SMYD3: variants seen among roughly 807,000 people sequenced by gnomAD.
SMYD3 encodes the protein SET and MYND domain containing 3.
A neutral mutation model predicts 57.7 loss-of-function variants in SMYD3; 36 were observed. That is an observed-to-expected ratio of 0.62 (90% CI 0.48 to 0.82). The LOEUF (loss-of-function observed/expected upper bound fraction) is 0.82, where lower values mean the gene tolerates loss of function less well. Among genes scored for constraint, SMYD3 ranks in the 40% least tolerant of loss-of-function variants. The probability of loss-of-function intolerance (pLI) is 0.00; values close to 1 mark genes in which losing one functional copy is unlikely to be tolerated. For synonymous variants in SMYD3, 211 were observed against 195.0 expected, an observed-to-expected ratio of 1.08 and a Z score of -0.68; for missense variants, 515 against 538.8, an observed-to-expected ratio of 0.96 and a Z score of 0.44.
Position 246,101,071 on chromosome 1 carries a change from G to GT in SMYD3, c.532-171135dup, listed in dbSNP as rs754724096. ...TAATATGTATTTTTAGGGGTTTTTT[G>GT]TTTTTTTTTTTTTTTTTTTTTTTTT... On this transcript the variant is annotated intron_variant, in intron 5 of 11. Coordinates refer to ENST00000490107, the MANE Select transcript of SMYD3 (RefSeq NM_001167740.2). Among the ~76,000 whole-genome samples the GT allele has an allele frequency of 6.5e-3, 354 of 54,098 alleles. 18 individuals carry two copies. Among genetic ancestry groups the GT allele is most frequent in the East Asian group, 0.048 (90 of 1,858 alleles). 35.5% of individuals were successfully genotyped at this position (54,098 alleles called of 152,430 possible).
intron 10 of SMYD3, among the ~76,000 whole-genome samples, chr1:245,791,952 T>TTTTGTG (rs145276611): frequency 1.4e-5 from 2 of 146,138 alleles, no homozygotes; most frequent in Admixed American, 6.8e-5. Context: ...AATTTTAAAC[T>TTTTGTG]TGTGTGTGTG....
At chr1:246,224,413 T>C (rs1384736825) in intron 5 of SMYD3, among the ~76,000 whole-genome samples, 2 of 151,208 alleles carry the variant, frequency 1.3e-5, no homozygotes, top group Non-Finnish European at 2.9e-5. Context: ...GTGGCTGAGG[T>C]GTGGTCAAGG....
intron 10 of SMYD3, among the ~76,000 whole-genome samples, chr1:245,812,701 CAAAAA>C (rs10636374): frequency 5.3e-5 from 7 of 130,948 alleles, no homozygotes; most frequent in East Asian, 4.5e-4. Context: ...ACAACAGTTC[CAAAAA>C]AAAAAAAAAA....
chr1:245,798,051 T>A (rs1244253695), intron 10 of SMYD3, among the ~76,000 whole-genome samples: 1 of 152,072 alleles, frequency 6.6e-6, no homozygotes, highest in Non-Finnish European at 1.5e-5. Flanking sequence ...TGTGTCCCAA[T>A]GTAAATGAAT....
intron 1 of SMYD3, among the ~76,000 whole-genome samples, chr1:246,414,953 G>A (rs1284387352): frequency 6.6e-6 from 1 of 152,052 alleles, no homozygotes; most frequent in African/African-American, 2.4e-5. Flanking sequence ...CTGACCTCAG[G>A]TGATCCACCT....
At chr1:245,859,410 C>A (rs4654142) in intron 9 of SMYD3, among the ~76,000 whole-genome samples, 24,985 of 152,226 alleles carry the variant, frequency 0.16, 2,221 homozygotes, top group South Asian at 0.25. Context: ...ATGTCCACTT[C>A]TCAGTAACTG....
At chr1:246,155,780 G>C (rs2062012765) in intron 5 of SMYD3, among the ~76,000 whole-genome samples, 1 of 152,000 alleles carries the variant, frequency 6.6e-6, no homozygotes. Flanking sequence ...AGGAGTTCGA[G>C]ACCAGCCTGG....
chr1:246,327,412 G>T, intron 4 of SMYD3, 75 bp from the exon 5 acceptor site: 1 of 1,314,340 alleles, frequency 7.6e-7, no homozygotes, highest in East Asian at 2.4e-5. Flanking sequence ...GTTCAATGCT[G>T]GCTGTTAAAC....
intron 2 of SMYD3, among the ~76,000 whole-genome samples, chr1:246,347,050 T>C (rs1005832923): frequency 6.6e-6 from 1 of 152,086 alleles, no homozygotes; most frequent in African/African-American, 2.4e-5. Context: ...TGATATCTTA[T>C]TGGCAGACTG....
chr1:246,471,633 G>A (rs1480780862), intron 1 of SMYD3, among the ~76,000 whole-genome samples: 1 of 152,154 alleles, frequency 6.6e-6, no homozygotes, highest in East Asian at 1.9e-4. Flanking sequence ...TTTTATGAGA[G>A]GATTAAAACT....
chr1:246,358,686 G>T (rs997206510), intron 1 of SMYD3, among the ~76,000 whole-genome samples: 2 of 152,170 alleles, frequency 1.3e-5, no homozygotes, highest in South Asian at 4.1e-4. Flanking sequence ...CAAATATATG[G>T]AAATTAAATA....
At chr1:245,824,856 CA>C (rs34891255) in intron 10 of SMYD3, among the ~76,000 whole-genome samples, 7,125 of 119,096 alleles carry the variant, frequency 0.06, 622 homozygotes, top group African/African-American at 0.22. Context: ...AACTCCGTCT[CA>C]AAAAAAAAAA....
chr1:246,218,434 T>C (rs953176990), intron 5 of SMYD3, among the ~76,000 whole-genome samples: 1 of 151,986 alleles, frequency 6.6e-6, no homozygotes, highest in African/African-American at 2.4e-5. Flanking sequence ...CCATCCTGGC[T>C]AACACGGTGA....
intron 2 of SMYD3, among the ~76,000 whole-genome samples, chr1:246,351,896 G>A (rs2065834200): frequency 6.6e-6 from 1 of 152,028 alleles, no homozygotes; most frequent in African/African-American, 2.4e-5. Flanking sequence ...AGCACTTTGG[G>A]AGGCCAAGGC....
At chr1:246,193,803 A>G (rs1434183484) in intron 5 of SMYD3, 1 of 152,226 alleles carries the variant, frequency 6.6e-6, no homozygotes, top group African/African-American at 2.4e-5. Context: ...TCGTCCTCGC[A>G]GCTCTCCGGG....
At chr1:245,826,207 C>G (rs949459402) in intron 10 of SMYD3, among the ~76,000 whole-genome samples, 2 of 151,798 alleles carry the variant, frequency 1.3e-5, no homozygotes, top group Non-Finnish European at 2.9e-5. Context: ...TTCCCCATTT[C>G]TCCTCCCTCC....
At chr1:246,363,209 G>A (rs1289329960) in intron 1 of SMYD3, among the ~76,000 whole-genome samples, 1 of 151,746 alleles carries the variant, frequency 6.6e-6, no homozygotes, top group Non-Finnish European at 1.5e-5. Flanking sequence ...TGGGAAGTGA[G>A]GAGCGTCTCC....
intron 10 of SMYD3, among the ~76,000 whole-genome samples, chr1:245,802,311 T>C (rs2148244212): frequency 6.6e-6 from 1 of 152,266 alleles, no homozygotes; most frequent in Non-Finnish European, 1.5e-5. Context: ...GTGAAGCCAT[T>C]GAAGTCTTCA....
intron 5 of SMYD3, among the ~76,000 whole-genome samples, chr1:246,065,789 T>A (rs141577586): frequency 6.6e-6 from 1 of 152,190 alleles, no homozygotes; most frequent in Non-Finnish European, 1.5e-5. Context: ...GACAACCTCC[T>A]AAGTAAAACA....
Sources: gnomAD v4.1 joint callset for allele counts (sites outside exome capture counted in the v4.1 genomes callset) on GRCh38, gnomAD v4.1.1 for gene constraint, MANE v1.5 for transcripts, NCBI Gene and HGNC (gene_info 2026-07-23, HGNC 2026-07-21) for gene names.